ERN2: variants seen among roughly 807,000 people sequenced by gnomAD.
The protein encoded by ERN2 is endoplasmic reticulum to nucleus signaling 2, also known as serine/threonine-protein kinase/endoribonuclease IRE2.
Under a neutral mutation model 107.9 loss-of-function variants are expected in ERN2, and 111 were observed. That is an observed-to-expected ratio of 1.03 (90% confidence interval 0.88 to 1.20). ERN2 has a LOEUF of 1.20. Among genes scored for constraint, ERN2 ranks in the 50% most tolerant of loss-of-function variants. The pLI, the probability that ERN2 is intolerant of heterozygous loss-of-function variation, is 0.00. For missense variants in ERN2, 1,225 were observed against 1,197.9 expected, an observed-to-expected ratio of 1.02 and a Z score of -0.33; for synonymous variants, 524 against 501.7, an observed-to-expected ratio of 1.04 and a Z score of -0.59.
At position 23,713,173 on chromosome 16, in the gene ERN2, GACCGC is replaced by G. The variant is rs1960614350; in HGVS notation, c.10_14del (p.Ala4GlnfsTer62). ...GCCGGGGCCACGGCCTCGACCCCCT[GACCGC>G]ACTCGCCATAGCGCCTGGGCAGCTG... On this transcript the variant is annotated frameshift_variant, in exon 1 of 22. Coordinates refer to ENST00000256797, the MANE Select transcript of ERN2 (RefSeq NM_033266.4). LOFTEE classifies it high-confidence loss of function. 1 of 1,576,480 alleles carries G rather than the reference GACCGC, an allele frequency of 6.3e-7. No individual in the cohort carries two copies. Among genetic ancestry groups the G allele is most frequent in the Non-Finnish European group, 8.6e-7 (1 of 1,167,438 alleles).
intron 2 of ERN2, 85 bp from the exon 3 acceptor site, chr16:23,710,634 G>T: frequency 1.4e-6 from 2 of 1,455,596 alleles, no homozygotes; most frequent in Non-Finnish European, 9.6e-7. Context: ...GCTATGGCAT[G>T]ACTGTGATGT....
intron 1 of ERN2, among the ~76,000 whole-genome samples, chr16:23,711,268 TC>T (rs1368207026): frequency 6.6e-6 from 1 of 152,168 alleles, no homozygotes; most frequent in Non-Finnish European, 1.5e-5. Flanking sequence ...ATTACTTACC[TC>T]CTTCCTCAAT....
Position 23,713,155 on chromosome 16 carries a change from C to A in ERN2, c.33G>T (p.Trp11Cys), listed in dbSNP as rs1056223437. MASAVRGSRP[W>C]PRLGLQLQFA... ...ACTGGAGCTGGAGCCCCAGCCGGGG[C>A]CACGGCCTCGACCCCCTGACCGCAC... Residue 11 changes from tryptophan to cysteine, a missense_variant, in exon 1 of 22, where the codon TGG (tryptophan) becomes TGT (cysteine). Coordinates refer to ENST00000256797, the MANE Select transcript of ERN2 (RefSeq NM_033266.4). 1.3e-6 allele frequency: 2 copies of A among 1,573,728 alleles called. No individual in the cohort carries two copies. Among genetic ancestry groups the A allele is most frequent in the East Asian group, 4.7e-5 (2 of 42,460 alleles).
chr16:23,713,112 C>G lies in ERN2; in HGVS notation c.76G>C (p.Gly26Arg), dbSNP rs761225106. ...GCTCTCACCTGTGGACTCAGCGTCC[C>G]GAGCAGCAGCGCCGCGAACTGGAGC... ...LQLQFAALLL[G>R]TLSPQVHTLR... The change falls in exon 1 of 22, where the codon GGG (glycine) becomes CGG (arginine). Residue 26 changes from glycine (G) to arginine (R), a missense_variant. Gly to Arg is a moderately radical substitution (Grantham distance 125, BLOSUM62 -2). Coordinates refer to ENST00000256797, the MANE Select transcript of ERN2 (RefSeq NM_033266.4). 41 of 1,576,226 alleles carry G rather than the reference C, an allele frequency of 2.6e-5. 1 individual carries two copies. In the South Asian group the frequency reaches 2.9e-4, roughly 11 times the overall value.
chr16:23,690,784 C>G lies in ERN2; in HGVS notation c.*47G>C. 6.6e-7 allele frequency: 1 copy of G among 1,525,978 alleles called. No individual in the cohort carries two copies. The allele number at this position is 1,525,978 out of a possible 1,614,324, so 94.5% of individuals were successfully genotyped here. ...TCTGAGGCCAGCCACAGGCTCAGCTCTTCAGTGAGCCAGCACGGAGACCAT... is the reference window on the plus strand; with the variant it reads ...TCTGAGGCCAGCCACAGGCTCAGCTGTTCAGTGAGCCAGCACGGAGACCAT... On this transcript the variant is annotated 3_prime_UTR_variant, in exon 22 of 22. Coordinates refer to ENST00000256797, the MANE Select transcript of ERN2 (RefSeq NM_033266.4).
chr16:23,692,004 G>A lies in ERN2; in HGVS notation c.2335C>T (p.Pro779Ser), dbSNP rs747977071. Reference protein sequence around the residue: ...RPSAPQVLAHPFFWSRAKQLQ... With the variant: ...RPSAPQVLAHSFFWSRAKQLQ... ...TGCTTGGCTCTGCTCCAAAAGAAGG[G>A]GTGGGCCAGCACCTGGGGGGCAGAG... Residue 779 changes from proline to serine, a missense_variant, in exon 19 of 22, where the codon CCC becomes TCC. Coordinates refer to ENST00000256797, the MANE Select transcript of ERN2 (RefSeq NM_033266.4). The A allele has an allele frequency of 2.5e-6, 4 of 1,613,786 alleles. No homozygotes were observed. The highest frequency in any genetic ancestry group is 3.4e-6 in the Non-Finnish European group (4 of 1,179,928).
chr16:23,709,897 T>G (rs1597159147), intron 4 of ERN2: 2 of 308,704 alleles, frequency 6.5e-6, no homozygotes, highest in East Asian at 1.1e-4. Context: ...AAAAGCTAAC[T>G]GGTATATACA....
chr16:23,705,180 G>T (rs1960253312), intron 7 of ERN2, 33 bp from the exon 8 acceptor site: 2 of 1,606,078 alleles, frequency 1.2e-6, no homozygotes, highest in Non-Finnish European at 8.5e-7. Context: ...AGATGTGGTT[G>T]GAAGCTCTCC....
At chr16:23,691,939 C>T (rs772389186) in intron 19 of ERN2, 24 bp downstream of exon 19, 2 of 1,605,456 alleles carry the variant, frequency 1.2e-6, no homozygotes, top group South Asian at 1.1e-5. Context: ...CTTTTGGGGG[C>T]CATTCCCAAG....
Position 23,710,527 on chromosome 16 carries a change from C to T in ERN2, c.222G>A (p.Met74Ile), listed in dbSNP as rs754328804. The T allele has an allele frequency of 6.2e-7, 1 of 1,614,092 alleles. No individual in the cohort carries two copies. The highest frequency in any genetic ancestry group is 1.3e-5 in the African/African-American group (1 of 74,938). ...CCAGGTTCACTTACTCTGTGACGTA[C>T]ATTGGTCCTTCGATGACGGGATCTG... ...LRDDPVIEGP[M>I]YVTEMAFLSD... is the part of the protein sequence containing the mutation. The change falls in exon 3 of 22, where the codon ATG (methionine) becomes ATA (isoleucine). Residue 74 changes from methionine (M) to isoleucine (I), a missense_variant. Transcript: ENST00000256797.
At chr16:23,701,636 G>A (rs1960067957) in intron 11 of ERN2, among the ~76,000 whole-genome samples, 1 of 146,802 alleles carries the variant, frequency 6.8e-6, no homozygotes, top group Non-Finnish European at 1.5e-5. Flanking sequence ...AATAGTCAAT[G>A]TCTTTTTTTT....
chr16:23,703,345 C>T lies in ERN2; in HGVS notation c.855-643G>A, dbSNP rs540786380. Among the ~76,000 whole-genome samples, 4 of 152,294 alleles carry T rather than the reference C, an allele frequency of 2.6e-5. No homozygotes were observed. The South Asian group carries it at 6.2e-4, about 24-fold the overall frequency. ...CTCTGAAAATGACAGTACCCACGTG[C>T]TTCTAGAAACCTGAGCATGATCTTT... On this transcript the variant is annotated intron_variant, in intron 8 of 21. Coordinates refer to ENST00000256797, the MANE Select transcript of ERN2 (RefSeq NM_033266.4).
rs373609225 is a variant in ERN2 at position 23,694,784 on chromosome 16, C to T, written c.2044G>A (p.Gly682Ser). 2.5e-6 allele frequency: 4 copies of T among 1,612,914 alleles called. No individual in the cohort carries two copies. Among genetic ancestry groups the T allele is most frequent in the South Asian group, 2.2e-5 (2 of 90,866 alleles). ...CSFSLHSGIP[G>S]TEGWMAPELL... ...TCGGGCGCCATCCAGCCTTCCGTGC[C>T]GGGGATGCCGGAGTGGAGGCTGAAG... Residue 682 changes from glycine (G) to serine (S), a missense_variant, in exon 17 of 22, where the codon GGC (glycine) becomes AGC (serine). Coordinates refer to ENST00000256797, the MANE Select transcript of ERN2 (RefSeq NM_033266.4).
At chr16:23,698,161 A>G (rs1033046661) in intron 13 of ERN2, among the ~76,000 whole-genome samples, 1 of 152,160 alleles carries the variant, frequency 6.6e-6, no homozygotes, top group Admixed American at 6.5e-5. Flanking sequence ...ATTCTTTCAC[A>G]GGTATTTGCC....
At chr16:23,693,290 A>AAT (rs376796964) in intron 17 of ERN2, among the ~76,000 whole-genome samples, 3 of 151,390 alleles carry the variant, frequency 2.0e-5, no homozygotes, top group South Asian at 2.1e-4. Flanking sequence ...CTGTCTCAAA[A>AAT]ATATATATAT....
chr16:23,692,213 CAGGG>C lies in ERN2; in HGVS notation c.2215_2218del (p.Pro739ValfsTer23), dbSNP rs1248499266. The stretch of plus-strand genomic sequence containing the variant: ...GACCTCTTCCTCCAGGTGAGCCAGA[CAGGG>C]AGCCCCTGTGAGGATGTTTGCCTGG... On this transcript the variant is annotated frameshift_variant, in exon 18 of 22. Transcript: ENST00000256797. LOFTEE classifies it high-confidence loss of function. 1 of 1,614,190 alleles carries C rather than the reference CAGGG, an allele frequency of 6.2e-7. No individual in the cohort carries two copies. Among genetic ancestry groups the C allele is most frequent in the Non-Finnish European group, 8.5e-7 (1 of 1,180,030 alleles).
At chr16:23,702,986 T>G (rs780047253) in intron 8 of ERN2, among the ~76,000 whole-genome samples, 3 of 151,896 alleles carry the variant, frequency 2.0e-5, no homozygotes, top group African/African-American at 7.3e-5. Context: ...TAATCCCCCA[T>G]AGGTCAAACA....
rs763766639 is a variant in ERN2, at chr16:23,695,068, C to A, written c.1851G>T (p.Val617=). ...CCAGGCCAGACATCAGCTGCTGCAG[C>A]ACGACCTCGGGCTCCAGACCCCCGC... ...LDRGGLEPEV[V]LQQLMSGLAH... Residue 617 remains valine, a synonymous_variant, in exon 16 of 22, where the codon GTG becomes GTT. Transcript: ENST00000256797. 2.5e-6 allele frequency: 4 copies of A among 1,613,722 alleles called. No homozygotes were observed. The African/African-American group carries it at 4.0e-5, about 16-fold the overall frequency.
intron 13 of ERN2, chr16:23,697,434 C>T (rs945565447): frequency 6.6e-6 from 1 of 152,130 alleles, no homozygotes; most frequent in Non-Finnish European, 1.5e-5. Flanking sequence ...GACAGAGCTG[C>T]TTGAACAAAC....
Sources: allele counts gnomAD v4.1 joint callset (sites outside exome capture counted in the v4.1 genomes callset), GRCh38; gene constraint gnomAD v4.1.1; transcripts MANE v1.5; gene names NCBI Gene and HGNC (gene_info 2026-07-23, HGNC 2026-07-21).